Variants in TYW1B observed in about 807,000 individuals in gnomAD.
TYW1B encodes tRNA-yW synthesizing protein 1 homolog B.
In TYW1B, 73 loss-of-function variants were observed where a neutral mutation model predicts 86.9. The ratio of observed to expected loss-of-function variants is 0.84; its 90% CI spans 0.70 to 1.02. The LOEUF (loss-of-function observed/expected upper bound fraction) is 1.02. Among genes scored for constraint, TYW1B ranks in the 50% least tolerant of loss-of-function variants. The pLI is 0.00. For missense variants in TYW1B, 637 were observed against 827.4 expected (o/e 0.77, Z 2.82); for synonymous variants, 248 against 292.8 (o/e 0.85, Z 1.56).
At position 72,618,045 on chromosome 7, in the gene TYW1B, G is replaced by A. The variant is rs367965202; in HGVS notation, c.1618-1206C>T. Reference sequence around the variant, plus strand: ...CAAATCAAACTTTTCTCAACAACTTGTTGAGAAAATCCCAGAAATGATTCC... The same window carrying A: ...CAAATCAAACTTTTCTCAACAACTTATTGAGAAAATCCCAGAAATGATTCC... On this transcript the variant is annotated intron_variant, in intron 12 of 13. Transcript: ENST00000620995. Among the ~76,000 whole-genome samples, 5 of 152,032 alleles carry A rather than the reference G, an allele frequency of 3.3e-5. No individual in the cohort carries two copies. In the East Asian group the frequency reaches 5.8e-4, roughly 18 times the overall value.
rs1224479329 is a variant in TYW1B, at chr7:72,575,697, C to T, written c.1808G>A (p.Trp603Ter). 7.5e-6 allele frequency: 12 copies of T among 1,599,482 alleles called. No individual in the cohort carries two copies. The East Asian group carries it at 9.0e-5, about 12-fold the overall frequency. Residue 603 changes from tryptophan (W) to a stop codon, truncating the protein, a stop_gained, in exon 14 of 14, where the codon TGG becomes TAG. Coordinates refer to ENST00000620995, the MANE Select transcript of TYW1B (RefSeq NM_001145440.3). LOFTEE classifies it high-confidence loss of function. ...GAAGCGGTTATAATCGATCCATGTC[C>T]ACCATTCACCACCAATTTTAAACTG... Reference protein sequence around the residue: ...HRKFKIGGEWWTWIDYNRFQE... With the variant: ...HRKFKIGGEW
At chr7:72,582,917 T>C (rs1554429811) in intron 13 of TYW1B, among the ~76,000 whole-genome samples, 2 of 152,172 alleles carry the variant, frequency 1.3e-5, no homozygotes, top group African/African-American at 4.8e-5. Context: ...GGCTTGACTG[T>C]GAACAGTGTT....
At chr7:72,667,739 G>A (rs1813503144) in intron 11 of TYW1B, among the ~76,000 whole-genome samples, 1 of 152,082 alleles carries the variant, frequency 6.6e-6, no homozygotes, top group African/African-American at 2.4e-5. Context: ...ACAAAGAGAT[G>A]TTGTAGTGGA....
intron 11 of TYW1B, among the ~76,000 whole-genome samples, chr7:72,668,063 G>C (rs1813510481): frequency 6.6e-6 from 1 of 152,134 alleles, no homozygotes; most frequent in Non-Finnish European, 1.5e-5. Flanking sequence ...CATGTATTTG[G>C]TCATCTAGGC....
intron 11 of TYW1B, 114 bp downstream of exon 11, chr7:72,694,573 T>C: frequency 3.0e-6 from 4 of 1,319,838 alleles, no homozygotes; most frequent in Non-Finnish European, 3.9e-6. Context: ...TTTTTTATTT[T>C]AAAGAGAAAA....
At chr7:72,645,344 A>C (rs192161700) in intron 11 of TYW1B, among the ~76,000 whole-genome samples, 30 of 152,354 alleles carry the variant, frequency 2.0e-4, no homozygotes, top group Admixed American at 1.5e-3. Context: ...CAAAGCCTTG[A>C]ATGTTCTTAT....
intron 7 of TYW1B, among the ~76,000 whole-genome samples, chr7:72,776,466 C>G (rs1787955432): frequency 7.3e-6 from 1 of 137,506 alleles, no homozygotes; most frequent in Non-Finnish European, 1.5e-5. Flanking sequence ...GAGGCTGAGG[C>G]AGGAGAATCA....
chr7:72,733,199 C>CACA (rs60290034), intron 8 of TYW1B, among the ~76,000 whole-genome samples: 2 of 139,804 alleles, frequency 1.4e-5, no homozygotes, highest in South Asian at 4.6e-4. Context: ...CACACACACA[C>CACA]CTCTCACACT....
At chr7:72,776,673 AT>A (rs1787961147) in intron 7 of TYW1B, among the ~76,000 whole-genome samples, 1 of 16,746 alleles carries the variant, frequency 6.0e-5, no homozygotes, top group Non-Finnish European at 2.7e-4. Flanking sequence ...TTAAAAATGA[AT>A]TAATTTGAAA....
At chr7:72,594,694 T>C (rs1417018054) in intron 13 of TYW1B, among the ~76,000 whole-genome samples, 13 of 152,070 alleles carry the variant, frequency 8.5e-5, no homozygotes, top group African/African-American at 3.1e-4. Context: ...CAGACAAAGA[T>C]CGTACTGGAA....
chr7:72,620,896 G>GT (rs1812197509), intron 12 of TYW1B, among the ~76,000 whole-genome samples: 1 of 152,228 alleles, frequency 6.6e-6, no homozygotes, highest in African/African-American at 2.4e-5. Flanking sequence ...AGGCTGAGGA[G>GT]TAACAAGCAG....
chr7:72,606,010 A>AT (rs1811785226), intron 13 of TYW1B, among the ~76,000 whole-genome samples: 1 of 152,130 alleles, frequency 6.6e-6, no homozygotes, highest in Admixed American at 6.5e-5. Flanking sequence ...ACAGCTAAAA[A>AT]CAGAGGATAT....
intron 7 of TYW1B, among the ~76,000 whole-genome samples, chr7:72,761,056 T>C (rs539795999): frequency 2.0e-4 from 31 of 152,242 alleles, no homozygotes; most frequent in African/African-American, 6.7e-4. Flanking sequence ...TCTAGGTAAA[T>C]TGTTAATAAA....
chr7:72,667,048 A>AAAAAAAAAAAAAC (rs60588106), intron 11 of TYW1B, among the ~76,000 whole-genome samples: 1 of 131,370 alleles, frequency 7.6e-6, no homozygotes, highest in Non-Finnish European at 1.6e-5. Flanking sequence ...AAAAAAAAAA[A>AAAAAAAAAAAAAC]AAAGAAACTA....
intron 5 of TYW1B, among the ~76,000 whole-genome samples, chr7:72,802,825 T>G (rs1480432073): frequency 2.0e-5 from 3 of 152,086 alleles, no homozygotes; most frequent in African/African-American, 7.2e-5. Flanking sequence ...TTCACCATGT[T>G]GGCCAGGCTG....
In TYW1B at chr7:72,617,956, A is replaced by C. The variant is rs560416205; in HGVS notation, c.1618-1117T>G. 6.6e-5 allele frequency among the ~76,000 whole-genome samples: 10 copies of C among 152,214 alleles called. No individual in the cohort carries two copies. In the South Asian group the frequency reaches 8.3e-4, roughly 13 times the overall value. ...TAATGGTAAAATGATTAATTTTCTA[A>C]TACTAAAAGATTTATCTTATTTCTT... On this transcript the variant is annotated intron_variant, in intron 12 of 13. Coordinates refer to ENST00000620995, the MANE Select transcript of TYW1B (RefSeq NM_001145440.3).
intron 11 of TYW1B, among the ~76,000 whole-genome samples, chr7:72,632,424 AAAT>A (rs1812550551): frequency 3.9e-5 from 3 of 77,848 alleles, no homozygotes; most frequent in African/African-American, 1.8e-4. Flanking sequence ...TATATATATA[AAAT>A]ATATATATAC....
intron 11 of TYW1B, among the ~76,000 whole-genome samples, chr7:72,642,298 T>C (rs1812819174): frequency 6.6e-6 from 1 of 152,154 alleles, no homozygotes; most frequent in South Asian, 2.1e-4. Context: ...GGCAATTAGA[T>C]ATGACACCAA....
intron 13 of TYW1B, among the ~76,000 whole-genome samples, chr7:72,609,589 G>A (rs1811886832): frequency 6.6e-6 from 1 of 151,896 alleles, no homozygotes; most frequent in African/African-American, 2.4e-5. Flanking sequence ...TAAATAAATT[G>A]AGCAATCTCC....
Sources: allele counts gnomAD v4.1 joint callset (sites outside exome capture counted in the v4.1 genomes callset), GRCh38; gene constraint gnomAD v4.1.1; transcripts MANE v1.5; gene names NCBI Gene and HGNC (gene_info 2026-07-23, HGNC 2026-07-21).